The following METTL22 variants were observed in gnomAD, a reference collection of about 807,000 sequenced individuals.
METTL22 encodes methyltransferase 22, Kin17 lysine, also known as methyltransferase-like protein 22.
METTL22 carries 51 observed loss-of-function variants against 48.4 expected under a neutral mutation model. That is an observed-to-expected ratio of 1.05 (90% CI 0.84 to 1.33). METTL22 has a LOEUF of 1.33. Ranked by LOEUF, METTL22 falls within the 40% of genes most tolerant of loss-of-function variation. METTL22 has a pLI of 0.00. For synonymous variants in METTL22, 255 were observed against 214.1 expected (o/e 1.19, Z -1.67); for missense variants, 678 against 526.9 (o/e 1.29, Z -2.81).
chr16:8,642,115 G>A lies in METTL22; in HGVS notation c.827-12G>A. The A allele has an allele frequency of 1.2e-6, 2 of 1,607,636 alleles. No homozygotes were observed. Among genetic ancestry groups the A allele is most frequent in the Admixed American group, 3.3e-5 (2 of 60,014 alleles). ...GGCAATGGGCACAAAGTGTGCTTTT[G>A]TTCTTTCTTAGATCCCAAGGTCCCC... On this transcript the variant is annotated splice_polypyrimidine_tract_variant and intron_variant, in intron 7 of 10. Transcript: ENST00000381920.
chr16:8,633,386 C>G (rs1596345002), intron 3 of METTL22, among the ~76,000 whole-genome samples: 1 of 152,084 alleles, frequency 6.6e-6, no homozygotes, highest in Non-Finnish European at 1.5e-5. Flanking sequence ...CACTTGAGCC[C>G]AAGGGTTTGA....
the METTL22 span, among the ~76,000 whole-genome samples, chr16:8,661,105 T>C: frequency 0.58 from 88,488 of 151,858 alleles, 27,930 homozygotes; most frequent in East Asian, 0.89. Context: ...CTTGCGTCCC[T>C]GCTGGCCCCT....
the METTL22 span, among the ~76,000 whole-genome samples, chr16:8,665,608 A>G: frequency 3.7e-4 from 56 of 152,374 alleles, no homozygotes; most frequent in African/African-American, 1.3e-3. Context: ...GAAAGCCTGG[A>G]TCTTCACAGC....
the METTL22 span, among the ~76,000 whole-genome samples, chr16:8,665,152 T>A: frequency 6.7e-5 from 10 of 150,370 alleles, no homozygotes; most frequent in Non-Finnish European, 1.0e-4. Context: ...AAAAAAGTAA[T>A]AATAATAAAC....
downstream of METTL22, among the ~76,000 whole-genome samples, chr16:8,652,305 A>C (rs531239999): frequency 6.6e-6 from 1 of 151,614 alleles, no homozygotes; most frequent in Non-Finnish European, 1.5e-5. Context: ...CCAAAAATAC[A>C]AAAATTAGCC....
At chr16:8,622,532 G>A (rs1047088655) in intron 1 of METTL22, among the ~76,000 whole-genome samples, 6 of 152,156 alleles carry the variant, frequency 3.9e-5, no homozygotes, top group African/African-American at 1.4e-4. Flanking sequence ...AAAGAGAGGA[G>A]CCCGAAGCCC....
At chr16:8,666,442 T>C in the METTL22 span, among the ~76,000 whole-genome samples, 2 of 152,208 alleles carry the variant, frequency 1.3e-5, no homozygotes, top group African/African-American at 4.8e-5. Context: ...CAGAATCTAT[T>C]TCTAGGAGAA....
At chr16:8,646,009 T>G (rs1265141235) in intron 10 of METTL22, 99 bp from the exon 11 acceptor site, 3 of 1,562,822 alleles carry the variant, frequency 1.9e-6, no homozygotes, top group Non-Finnish European at 1.7e-6. Context: ...GCTGACGTGT[T>G]GTCTAACTAC....
Position 8,635,201 on chromosome 16 carries a change from A to G in METTL22, c.589A>G (p.Ile197Val). The G allele has an allele frequency of 6.2e-7, 1 of 1,611,306 alleles. No individual in the cohort carries two copies. The highest frequency in any genetic ancestry group is 8.5e-7 in the Non-Finnish European group (1 of 1,178,462). ...WRGALLLADY[I>V]LFRQDLFRGC... is the part of the protein sequence containing the mutation. The stretch of plus-strand genomic sequence containing the variant: ...GGGCGCCCTGCTCCTGGCAGACTAC[A>G]TCCTGTTCCGACAGGACCTCTTCCG... Residue 197 changes from isoleucine to valine, a missense_variant, in exon 5 of 11, where the codon ATC becomes GTC. By Grantham distance (29) the Ile-to-Val change is conservative. Transcript: ENST00000381920.
rs1402518227 is a variant in METTL22 at position 8,646,160 on chromosome 16, G to T, written c.*17G>T. The stretch of plus-strand genomic sequence containing the variant: ...GTAACATGACCCATCGCCTCCACAA[G>T]GCGCGGCGTCTCGACTGTTCTTAGA... On this transcript the variant is annotated 3_prime_UTR_variant, in exon 11 of 11. Transcript: ENST00000381920. 6.2e-7 allele frequency: 1 copy of T among 1,613,948 alleles called. No homozygotes were observed. The highest frequency in any genetic ancestry group is 8.5e-7 in the Non-Finnish European group (1 of 1,179,934).
At chr16:8,664,447 C>T in the METTL22 span, among the ~76,000 whole-genome samples, 1 of 151,678 alleles carries the variant, frequency 6.6e-6, no homozygotes, top group Admixed American at 6.6e-5. Flanking sequence ...GCCCAGCCTA[C>T]ATTTTATTTA....
At chr16:8,629,199 C>G (rs1180132984) in intron 3 of METTL22, 89 bp downstream of exon 3, 2 of 1,507,240 alleles carry the variant, frequency 1.3e-6, no homozygotes, top group Non-Finnish European at 8.9e-7. Flanking sequence ...AGCGTGGACT[C>G]TGCAGGCCCA....
At chr16:8,656,695 C>T in the METTL22 span, among the ~76,000 whole-genome samples, 5 of 152,252 alleles carry the variant, frequency 3.3e-5, no homozygotes, top group Admixed American at 6.5e-5. Flanking sequence ...CCTGCGGCTC[C>T]AATGCCCTCC....
At chr16:8,655,995 C>T in the METTL22 span, among the ~76,000 whole-genome samples, 1 of 152,224 alleles carries the variant, frequency 6.6e-6, no homozygotes, top group South Asian at 2.1e-4. Flanking sequence ...GTAAATTCTC[C>T]TGATGACCAC....
intron 2 of METTL22, among the ~76,000 whole-genome samples, chr16:8,626,603 C>T (rs1468087098): frequency 6.6e-6 from 1 of 151,228 alleles, no homozygotes; most frequent in South Asian, 2.1e-4. Flanking sequence ...CACCTGCCAC[C>T]ACGCCCAGCT....
chr16:8,661,909 C>G, the METTL22 span, among the ~76,000 whole-genome samples: 8 of 144,364 alleles, frequency 5.5e-5, 1 homozygote, highest in Non-Finnish European at 1.2e-4. Context: ...AGCTAAGGCT[C>G]GAATCTTTAC....
At chr16:8,661,108 T>A in the METTL22 span, among the ~76,000 whole-genome samples, 1 of 152,162 alleles carries the variant, frequency 6.6e-6, no homozygotes, top group Non-Finnish European at 1.5e-5. Context: ...GCGTCCCTGC[T>A]GGCCCCTGGC....
chr16:8,651,332 A>G (rs888637808), downstream of METTL22, among the ~76,000 whole-genome samples: 4 of 134,402 alleles, frequency 3.0e-5, no homozygotes, highest in African/African-American at 1.1e-4. Flanking sequence ...GCTTGCAGTG[A>G]GCTGAGATCG....
At chr16:8,624,002 T>C (rs780385182) in intron 1 of METTL22, 2 of 152,218 alleles carry the variant, frequency 1.3e-5, no homozygotes, top group African/African-American at 4.8e-5. Context: ...TAACACCTAC[T>C]GTGAGCCAAG....
Sources: gnomAD v4.1 joint callset for allele counts (sites outside exome capture counted in the v4.1 genomes callset) on GRCh38, gnomAD v4.1.1 for gene constraint, MANE v1.5 for transcripts, NCBI Gene and HGNC (gene_info 2026-07-23, HGNC 2026-07-21) for gene names.